Variants in SOCS5 observed in about 807,000 individuals in gnomAD.
SOCS5 encodes CIS-6.
SOCS5 carries 32 observed loss-of-function variants against 42.8 expected under a neutral mutation model. The ratio of observed to expected loss-of-function variants is 0.75; its 90% CI spans 0.56 to 1.01. The LOEUF is 1.01. SOCS5 is among the 50% of genes least tolerant of loss of function. The probability of loss-of-function intolerance (pLI) is 0.00; values close to 1 mark genes in which losing one functional copy is unlikely to be tolerated. For missense variants in SOCS5, 627 were observed against 653.0 expected (o/e 0.96, Z 0.43); for synonymous variants, 283 against 229.6 (o/e 1.23, Z -2.10).
At chr2:46,714,404 TC>T (rs1572831664) in intron 1 of SOCS5, among the ~76,000 whole-genome samples, 1 of 152,382 alleles carries the variant, frequency 6.6e-6, no homozygotes, top group Admixed American at 6.5e-5. Context: ...GTCCCCTTTA[TC>T]CCAGGTAGTT....
intron 1 of SOCS5, among the ~76,000 whole-genome samples, chr2:46,710,800 G>GTC (rs1212069165): frequency 6.6e-6 from 1 of 152,188 alleles, no homozygotes; most frequent in Non-Finnish European, 1.5e-5. Context: ...TATGATTTCT[G>GTC]TCATCCAGAA....
chr2:46,714,235 G>T lies in SOCS5; in HGVS notation c.-13+14786G>T, dbSNP rs143615832. Among the ~76,000 whole-genome samples the T allele has an allele frequency of 4.8e-4, 73 of 152,248 alleles. 1 individual carries two copies. The highest frequency in any genetic ancestry group is 1.6e-4 in the Non-Finnish European group (11 of 68,000). Reference sequence around the variant, plus strand: ...TTCTGTCAACTATTGTGAGAGGAGGGTTGAAGTTTCCAACTGCAGTTTTGG... The same window carrying T: ...TTCTGTCAACTATTGTGAGAGGAGGTTTGAAGTTTCCAACTGCAGTTTTGG... On this transcript the variant is annotated intron_variant, in intron 1 of 1. Coordinates refer to ENST00000394861, the MANE Select transcript of SOCS5 (RefSeq NM_144949.3).
At chr2:46,722,292 A>T (rs866268778) in intron 1 of SOCS5, among the ~76,000 whole-genome samples, 1 of 150,174 alleles carries the variant, frequency 6.7e-6, no homozygotes, top group Non-Finnish European at 1.5e-5. Flanking sequence ...CACATGCTCA[A>T]AGGATTTAAG....
At chr2:46,724,158 C>A (rs1242879278) in intron 1 of SOCS5, among the ~76,000 whole-genome samples, 9 of 150,322 alleles carry the variant, frequency 6.0e-5, no homozygotes, top group Admixed American at 6.0e-4. Flanking sequence ...TTGGTAGATT[C>A]TTTGGGATTT....
chr2:46,733,401 A>G (rs1313046014), intron 1 of SOCS5, among the ~76,000 whole-genome samples: 1 of 152,054 alleles, frequency 6.6e-6, no homozygotes, highest in Non-Finnish European at 1.5e-5. Context: ...AGCCAGTCCC[A>G]GATTATTTTA....
intron 1 of SOCS5, among the ~76,000 whole-genome samples, chr2:46,726,658 C>G (rs999417817): frequency 1.3e-5 from 2 of 152,010 alleles, no homozygotes; most frequent in African/African-American, 4.8e-5. Context: ...TTCAAGTTCA[C>G]TGACTTTCCT....
At chr2:46,706,541 T>G (rs570045412) in intron 1 of SOCS5, among the ~76,000 whole-genome samples, 1 of 152,326 alleles carries the variant, frequency 6.6e-6, no homozygotes, top group South Asian at 2.1e-4. Context: ...GGTGTACAGT[T>G]TTAGTCACCT....
intron 1 of SOCS5, among the ~76,000 whole-genome samples, chr2:46,739,507 AG>A (rs1380151091): frequency 3.3e-5 from 5 of 152,210 alleles, no homozygotes; most frequent in Admixed American, 2.0e-4. Flanking sequence ...CATATATAAA[AG>A]AATAAATACA....
chr2:46,745,626 G>A (rs1330010463), intron 1 of SOCS5, among the ~76,000 whole-genome samples: 3 of 152,104 alleles, frequency 2.0e-5, no homozygotes, highest in Non-Finnish European at 4.4e-5. Flanking sequence ...AATATTAAAA[G>A]AAAAATCACA....
chr2:46,707,470 G>A (rs1672521728), intron 1 of SOCS5, among the ~76,000 whole-genome samples: 1 of 152,162 alleles, frequency 6.6e-6, no homozygotes. Context: ...ATTTATTGTA[G>A]ATGATTAGAA....
At position 46,759,278 on chromosome 2, in the gene SOCS5, T is replaced by C. The variant is rs750035572; in HGVS notation, c.748T>C (p.Phe250Leu). 1.2e-6 allele frequency: 2 copies of C among 1,613,906 alleles called. No individual in the cohort carries two copies. The highest frequency in any genetic ancestry group is 2.7e-5 in the African/African-American group (2 of 74,934). ...VSPHSTFFDT[F>L]DPSLVSTEDE... ...CCCACATTCAACATTTTTTGATACATTTGATCCATCTTTGGTTTCTACAGA... is the reference window on the plus strand; with the variant it reads ...CCCACATTCAACATTTTTTGATACACTTGATCCATCTTTGGTTTCTACAGA... The change falls in exon 2 of 2, where the codon TTT becomes CTT. Residue 250 changes from phenylalanine (F) to leucine (L), a missense_variant. Phe to Leu is a conservative substitution (Grantham distance 22). Around this residue, in one of 3 missense-constraint regions of SOCS5, gnomAD observed 340 missense variants for 367.6 expected, o/e 0.92. Coordinates refer to ENST00000394861, the MANE Select transcript of SOCS5 (RefSeq NM_144949.3).
Position 46,699,552 on chromosome 2 carries a change from T to A in SOCS5, c.-13+103T>A, listed in dbSNP as rs1672295441. 2 of 151,518 alleles carry A rather than the reference T, an allele frequency of 1.3e-5. No homozygotes were observed. Among genetic ancestry groups the A allele is most frequent in the Non-Finnish European group, 3.0e-5 (2 of 67,768 alleles). 9.4% of individuals were successfully genotyped at this position (151,518 alleles called of 1,614,324 possible). A position where few individuals can be genotyped will look rare whatever the true frequency, so the allele number is the denominator to read the frequency against. On this transcript the variant is annotated intron_variant, in intron 1 of 1. Transcript: ENST00000394861. The surrounding 1 kb of genome is among the most constrained non-coding windows in gnomAD (Gnocchi z 4.8). ...TGCCCCAGTGCCCGCGCCCGGCGCA[T>A]TCCGCCCCCGGCTGTCGCCCCCGCA...
chr2:46,752,225 C>T (rs1572847191), intron 1 of SOCS5, among the ~76,000 whole-genome samples: 2 of 151,466 alleles, frequency 1.3e-5, no homozygotes, highest in Admixed American at 6.6e-5. Flanking sequence ...GTCTAGTCAG[C>T]GGCAGCATTA....
At chr2:46,715,655 C>T (rs1189645893) in intron 1 of SOCS5, among the ~76,000 whole-genome samples, 1 of 152,150 alleles carries the variant, frequency 6.6e-6, no homozygotes, top group East Asian at 1.9e-4. Flanking sequence ...TAGTTTCTGA[C>T]AAGAAGTTTG....
chr2:46,728,906 G>A, intron 1 of SOCS5, among the ~76,000 whole-genome samples: 1 of 152,182 alleles, frequency 6.6e-6, no homozygotes, highest in East Asian at 1.9e-4. Flanking sequence ...CTCTAAGCCA[G>A]TGGTTCTCAA....
At chr2:46,709,126 C>T (rs28702871) in intron 1 of SOCS5, among the ~76,000 whole-genome samples, 7,366 of 152,094 alleles carry the variant, frequency 0.048, 637 homozygotes, top group African/African-American at 0.17. Flanking sequence ...CCTCGCGATC[C>T]GCCCGCCTTG....
chr2:46,737,135 A>T (rs1673271461), intron 1 of SOCS5, among the ~76,000 whole-genome samples: 2 of 152,222 alleles, frequency 1.3e-5, no homozygotes, highest in Admixed American at 1.3e-4. Flanking sequence ...TAAACTAAGA[A>T]AGTTATGAAG....
chr2:46,721,742 CT>C (rs1558403446), intron 1 of SOCS5, among the ~76,000 whole-genome samples: 1 of 151,816 alleles, frequency 6.6e-6, no homozygotes, highest in Non-Finnish European at 1.5e-5. Context: ...AATTATAATC[CT>C]CTGTGTGTTT....
chr2:46,734,704 A>G (rs2103732482), intron 1 of SOCS5, among the ~76,000 whole-genome samples: 1 of 152,146 alleles, frequency 6.6e-6, no homozygotes, highest in East Asian at 1.9e-4. Flanking sequence ...TGTCCTCATC[A>G]TACCCAATCC....
Sources: allele counts gnomAD v4.1 joint callset (sites outside exome capture counted in the v4.1 genomes callset), GRCh38; gene constraint gnomAD v4.1.1; regional missense constraint gnomAD v4.1.1; non-coding constraint Gnocchi (gnomAD v3.1); transcripts MANE v1.5; gene names NCBI Gene and HGNC (gene_info 2026-07-23, HGNC 2026-07-21).